The following PIGL variants were observed in gnomAD, a reference collection of about 807,000 sequenced individuals.
The protein encoded by PIGL is N-acetylglucosaminyl-phosphatidylinositol de-N-acetylase.
PIGL carries 22 observed loss-of-function variants against 31.1 expected under a neutral mutation model. That is an observed-to-expected ratio of 0.71 (90% confidence interval 0.51 to 1.01). PIGL has a LOEUF of 1.01. Ranked by LOEUF, PIGL falls within the 50% of genes least tolerant of loss-of-function variation. PIGL has a pLI of 0.00. For missense variants in PIGL, 302 were observed against 315.9 expected, an observed-to-expected ratio of 0.96 and a Z score of 0.33; for synonymous variants, 131 against 117.4, an observed-to-expected ratio of 1.12 and a Z score of -0.75.
intron 2 of PIGL, among the ~76,000 whole-genome samples, chr17:16,247,056 G>T (rs905728766): frequency 6.6e-6 from 1 of 151,992 alleles, no homozygotes; most frequent in East Asian, 1.9e-4. Flanking sequence ...TGACCTTCTC[G>T]CTATGTTCTC....
At chr17:16,246,954 G>C (rs2142717558) in intron 2 of PIGL, among the ~76,000 whole-genome samples, 1 of 151,952 alleles carries the variant, frequency 6.6e-6, no homozygotes, top group Admixed American at 6.6e-5. Flanking sequence ...CTCCCAAAGT[G>C]CTGGGATTAC....
At chr17:16,281,346 C>G (rs1251754795) in intron 2 of PIGL, among the ~76,000 whole-genome samples, 1 of 152,100 alleles carries the variant, frequency 6.6e-6, no homozygotes, top group Admixed American at 6.6e-5. Context: ...AAGAAAAGTC[C>G]AAGCATTTTT....
At chr17:16,288,364 G>A (rs563179059) in intron 2 of PIGL, among the ~76,000 whole-genome samples, 4 of 151,848 alleles carry the variant, frequency 2.6e-5, no homozygotes, top group South Asian at 2.1e-4. Context: ...CTGCCACCAC[G>A]CCCAGCTAAT....
At chr17:16,286,776 G>A (rs1407682168) in intron 2 of PIGL, among the ~76,000 whole-genome samples, 3 of 152,144 alleles carry the variant, frequency 2.0e-5, no homozygotes, top group Non-Finnish European at 4.4e-5. Flanking sequence ...TCTCTCCTCA[G>A]AGCCAGACGC....
intron 2 of PIGL, among the ~76,000 whole-genome samples, chr17:16,251,422 CA>C (rs34657944): frequency 0.49 from 62,177 of 126,210 alleles, 13,570 homozygotes; most frequent in Middle Eastern, 0.58. Flanking sequence ...GACTCTGTCT[CA>C]AAAAAAAAAA....
At chr17:16,254,611 T>A (rs1398728813) in intron 2 of PIGL, among the ~76,000 whole-genome samples, 2 of 54,204 alleles carry the variant, frequency 3.7e-5, no homozygotes, top group Non-Finnish European at 1.1e-4. Flanking sequence ...GTTTTTTTGT[T>A]TTGTTTTTTT....
intron 2 of PIGL, among the ~76,000 whole-genome samples, chr17:16,245,232 C>A (rs2092739532): frequency 6.6e-6 from 1 of 151,978 alleles, no homozygotes; most frequent in African/African-American, 2.4e-5. Context: ...ACCTCGTGAT[C>A]CACCCGCCTC....
intron 2 of PIGL, among the ~76,000 whole-genome samples, chr17:16,263,272 G>A (rs1403910234): frequency 2.0e-5 from 3 of 151,994 alleles, no homozygotes; most frequent in Non-Finnish European, 4.4e-5. Context: ...TCAAACTCCT[G>A]GGCTAAAGTG....
At chr17:16,247,123 G>T (rs558564027) in intron 2 of PIGL, among the ~76,000 whole-genome samples, 9 of 152,216 alleles carry the variant, frequency 5.9e-5, no homozygotes, top group East Asian at 5.8e-4. Context: ...TTCTTAAAAG[G>T]CTACAAGTTT....
At chr17:16,246,811 G>A (rs527568381) in intron 2 of PIGL, among the ~76,000 whole-genome samples, 20 of 147,976 alleles carry the variant, frequency 1.4e-4, no homozygotes, top group African/African-American at 2.7e-4. Flanking sequence ...TCAGCCTCCC[G>A]AGTAGCTGGG....
chr17:16,259,341 A>T (rs1459674796), intron 2 of PIGL, among the ~76,000 whole-genome samples: 2 of 126,864 alleles, frequency 1.6e-5, no homozygotes, highest in Admixed American at 1.5e-4. Flanking sequence ...ATTTTCAACA[A>T]TGGTGCCAAG....
At chr17:16,240,033 G>C (rs2092716177) in intron 2 of PIGL, among the ~76,000 whole-genome samples, 1 of 152,148 alleles carries the variant, frequency 6.6e-6, no homozygotes, top group Non-Finnish European at 1.5e-5. Flanking sequence ...ATTGGAGGTG[G>C]GGCGTTGGAT....
intron 2 of PIGL, among the ~76,000 whole-genome samples, chr17:16,263,093 T>TGG (rs60411653): frequency 0.018 from 2,526 of 139,768 alleles, 54 homozygotes; most frequent in African/African-American, 0.045. Flanking sequence ...ATGGTTTATT[T>TGG]GGGGGGGGGG....
At chr17:16,221,884 G>A (rs909031941) in intron 1 of PIGL, among the ~76,000 whole-genome samples, 11 of 152,106 alleles carry the variant, frequency 7.2e-5, no homozygotes, top group African/African-American at 2.2e-4. Context: ...CTCCCAGAAT[G>A]CTGGGATTAC....
At chr17:16,265,756 A>C (rs2142758448) in intron 2 of PIGL, among the ~76,000 whole-genome samples, 1 of 151,736 alleles carries the variant, frequency 6.6e-6, no homozygotes, top group South Asian at 2.1e-4. Context: ...AAAAAAAATC[A>C]AGGAAACTTT....
intron 2 of PIGL, among the ~76,000 whole-genome samples, chr17:16,273,529 G>A (rs536704869): frequency 6.6e-6 from 1 of 152,324 alleles, no homozygotes; most frequent in South Asian, 2.1e-4. Context: ...AAAGCAGCTT[G>A]GGAAGGGGGC....
chr17:16,235,469 A>T (rs2092695801), intron 2 of PIGL, among the ~76,000 whole-genome samples: 1 of 102,220 alleles, frequency 9.8e-6, no homozygotes, highest in Admixed American at 1.5e-4. Context: ...TTTGAGACGG[A>T]GTCTCACTCT....
At chr17:16,235,504 T>G (rs2092696005) in intron 2 of PIGL, among the ~76,000 whole-genome samples, 3 of 143,332 alleles carry the variant, frequency 2.1e-5, no homozygotes, top group Non-Finnish European at 3.0e-5. Flanking sequence ...TGGAGTGCAG[T>G]GGTGCCATCT....
At chr17:16,242,463 A>C (rs2092726807) in intron 2 of PIGL, among the ~76,000 whole-genome samples, 1 of 152,130 alleles carries the variant, frequency 6.6e-6, no homozygotes, top group Non-Finnish European at 1.5e-5. Flanking sequence ...TTAAGAATTT[A>C]CTGCTAGTAT....
Sources: gnomAD v4.1 joint callset for allele counts (sites outside exome capture counted in the v4.1 genomes callset) on GRCh38, gnomAD v4.1.1 for gene constraint, MANE v1.5 for transcripts, NCBI Gene and HGNC (gene_info 2026-07-23, HGNC 2026-07-21) for gene names.